The following C12orf54 variants were observed in gnomAD, a reference collection of about 807,000 sequenced individuals.
The protein encoded by C12orf54 is chromosome 12 open reading frame 54, also known as uncharacterized protein C12orf54.
Under a neutral mutation model 26.4 loss-of-function variants are expected in C12orf54, and 24 were observed. The observed-to-expected ratio is 0.91, with a 90% confidence interval of 0.66 to 1.28. C12orf54 has a LOEUF of 1.28. Ranked by LOEUF, C12orf54 falls within the 50% of genes most tolerant of loss-of-function variation. C12orf54 has a pLI of 0.00. For missense variants in C12orf54, 154 were observed against 150.9 expected, an observed-to-expected ratio of 1.02 and a Z score of -0.11; for synonymous variants, 54 against 47.0, an observed-to-expected ratio of 1.15 and a Z score of -0.61.
At chr12:48,420,889 A>C in the C12orf54 span, among the ~76,000 whole-genome samples, 1 of 152,156 alleles carries the variant, frequency 6.6e-6, no homozygotes, top group Non-Finnish European at 1.5e-5. Context: ...TGTATGGTAC[A>C]TATTGATGGA....
chr12:48,459,210 C>T, the C12orf54 span, among the ~76,000 whole-genome samples: 724 of 152,254 alleles, frequency 4.8e-3, 5 homozygotes, highest in Non-Finnish European at 6.9e-3. Flanking sequence ...TGGTAGAAGA[C>T]TCAAGCCAGG....
the C12orf54 span, among the ~76,000 whole-genome samples, chr12:48,416,627 C>T: frequency 1.6e-3 from 239 of 152,146 alleles, no homozygotes; most frequent in African/African-American, 5.3e-3. Context: ...TTTGGGAGGC[C>T]GAGACAGGTG....
At chr12:48,479,942 A>G (rs1353338544), upstream of C12orf54, among the ~76,000 whole-genome samples, 1 of 152,130 alleles carries the variant, frequency 6.6e-6, no homozygotes, top group African/African-American at 2.4e-5. Context: ...TGGATTCCAG[A>G]TGAACTGCTA....
the C12orf54 span, among the ~76,000 whole-genome samples, chr12:48,419,245 A>G: frequency 6.6e-6 from 1 of 152,184 alleles, no homozygotes; most frequent in Admixed American, 6.5e-5. Flanking sequence ...GAAAATAAAC[A>G]TGGCCTTGAA....
intron 5 of C12orf54, among the ~76,000 whole-genome samples, chr12:48,489,599 T>C (rs1937739658): frequency 6.7e-6 from 1 of 149,732 alleles, no homozygotes; most frequent in Admixed American, 6.7e-5. Flanking sequence ...TATTTTTTTG[T>C]AGAGACAGGG....
the C12orf54 span, among the ~76,000 whole-genome samples, chr12:48,418,062 A>T: frequency 6.6e-6 from 1 of 152,214 alleles, no homozygotes; most frequent in East Asian, 1.9e-4. Flanking sequence ...GCATTTGCCA[A>T]TGCAGGGAGA....
chr12:48,433,672 C>T, the C12orf54 span, among the ~76,000 whole-genome samples: 1 of 152,182 alleles, frequency 6.6e-6, no homozygotes, highest in Non-Finnish European at 1.5e-5. Flanking sequence ...TGGTCTTGAT[C>T]TCTTGACCTT....
chr12:48,453,265 C>T, the C12orf54 span, among the ~76,000 whole-genome samples: 4 of 151,992 alleles, frequency 2.6e-5, no homozygotes, highest in Admixed American at 1.3e-4. Context: ...CATGTTCTCA[C>T]TTATAAGTGG....
chr12:48,460,511 C>A, the C12orf54 span, among the ~76,000 whole-genome samples: 1 of 152,042 alleles, frequency 6.6e-6, no homozygotes, highest in East Asian at 1.9e-4. Context: ...TGAAGAGCCC[C>A]ACACATGATA....
the C12orf54 span, among the ~76,000 whole-genome samples, chr12:48,475,864 G>A: frequency 6.6e-6 from 1 of 152,208 alleles, no homozygotes; most frequent in South Asian, 2.1e-4. Flanking sequence ...TAACAAGGCA[G>A]GCCAACATTC....
chr12:48,488,941 G>A lies in C12orf54; in HGVS notation c.153G>A (p.Lys51=), dbSNP rs1387401303. ...TLWDQVLTVF[K]DIQKELQEDA... ...TCTGTCAGGTGCTGACAGTTTTTAAGGATATACAAAAGGAGGTGAGATTAG... is the reference window on the plus strand; with the variant it reads ...TCTGTCAGGTGCTGACAGTTTTTAAAGATATACAAAAGGAGGTGAGATTAG... The change falls in exon 5 of 9, where the codon AAG becomes AAA. Residue 51 remains lysine (K), a synonymous_variant. Transcript: ENST00000548364. 1 of 1,611,186 alleles carries A rather than the reference G, an allele frequency of 6.2e-7. No homozygotes were observed. Among genetic ancestry groups the A allele is most frequent in the Non-Finnish European group, 8.5e-7 (1 of 1,177,564 alleles).
rs550936506 is a variant in C12orf54, at chr12:48,486,376, C to T, written c.96+168C>T. ...GGTCATTGTCTACCAAACCAGGTAA[C>T]GTCTCCAATGCCACCACTTCACCAG... is the stretch of plus-strand genomic sequence containing the variant. On this transcript the variant is annotated intron_variant, in intron 3 of 8. Coordinates refer to ENST00000548364, the MANE Select transcript of C12orf54 (RefSeq NM_152319.4). 1.5e-3 allele frequency: 998 copies of T among 667,728 alleles called. 2 individuals carry two copies. The highest frequency in any genetic ancestry group is 2.3e-3 in the Admixed American group (82 of 35,550). The allele number at this position is 667,728 out of a possible 1,614,324, so 41.4% of individuals were successfully genotyped here. A position where few individuals can be genotyped will look rare whatever the true frequency, so the allele number is the denominator to read the frequency against.
chr12:48,494,128 A>T (rs1160072984), intron 7 of C12orf54, among the ~76,000 whole-genome samples: 1 of 146,596 alleles, frequency 6.8e-6, no homozygotes, highest in African/African-American at 2.6e-5. Flanking sequence ...CTGAGGCAGG[A>T]GAATCACTTG....
At chr12:48,494,229 A>T (rs1426938525) in intron 7 of C12orf54, among the ~76,000 whole-genome samples, 1 of 152,054 alleles carries the variant, frequency 6.6e-6, no homozygotes, top group East Asian at 1.9e-4. Context: ...CAAAAAAAAA[A>T]TTAATTTGAC....
the C12orf54 span, among the ~76,000 whole-genome samples, chr12:48,428,153 T>C: frequency 3.9e-5 from 6 of 151,976 alleles, no homozygotes; most frequent in Non-Finnish European, 8.8e-5. Flanking sequence ...TATCAAAACC[T>C]CTGGGATATA....
chr12:48,454,066 A>T, the C12orf54 span, among the ~76,000 whole-genome samples: 4 of 149,906 alleles, frequency 2.7e-5, no homozygotes, highest in Non-Finnish European at 5.9e-5. Flanking sequence ...AAATCAAGAC[A>T]GTTCTCTCTC....
At chr12:48,475,330 C>A in the C12orf54 span, among the ~76,000 whole-genome samples, 4 of 152,160 alleles carry the variant, frequency 2.6e-5, no homozygotes, top group African/African-American at 9.6e-5. Flanking sequence ...CTCTAAAAAT[C>A]AGAGCACCTC....
At chr12:48,484,932 G>T (rs1344011033) in intron 2 of C12orf54, among the ~76,000 whole-genome samples, 1 of 152,188 alleles carries the variant, frequency 6.6e-6, no homozygotes, top group Non-Finnish European at 1.5e-5. Context: ...TAGTAGCTCT[G>T]CCAGGTTCTA....
the C12orf54 span, among the ~76,000 whole-genome samples, chr12:48,474,141 G>GA: frequency 1.7e-4 from 26 of 150,902 alleles, no homozygotes; most frequent in South Asian, 4.2e-4. Context: ...TTCTTTACAA[G>GA]AAAAAAAAAC....
Sources: allele counts gnomAD v4.1 joint callset (sites outside exome capture counted in the v4.1 genomes callset), GRCh38; gene constraint gnomAD v4.1.1; transcripts MANE v1.5; gene names NCBI Gene and HGNC (gene_info 2026-07-23, HGNC 2026-07-21).